Variants in SOX5 observed in about 807,000 individuals in gnomAD.
SOX5 encodes the protein transcription factor SOX-5.
SOX5 carries 9 observed loss-of-function variants against 92.0 expected under a neutral mutation model. The ratio of observed to expected loss-of-function variants is 0.10; its 90% CI spans 0.06 to 0.17. The LOEUF is 0.17. Among genes scored for constraint, SOX5 ranks in the 10% least tolerant of loss-of-function variants. SOX5 has a pLI of 1.00. For synonymous variants in SOX5, 344 were observed against 336.3 expected, an observed-to-expected ratio of 1.02 and a Z score of -0.25; for missense variants, 642 against 944.5, an observed-to-expected ratio of 0.68 and a Z score of 4.20.
At chr12:23,981,282 C>T (rs1949546165) in intron 4 of SOX5, among the ~76,000 whole-genome samples, 1 of 152,086 alleles carries the variant, frequency 6.6e-6, no homozygotes, top group South Asian at 2.1e-4. Context: ...CTCCACAGCC[C>T]TAGTTTACAG....
intron 1 of SOX5, among the ~76,000 whole-genome samples, chr12:24,497,166 T>C (rs1283069749): frequency 6.6e-6 from 1 of 152,226 alleles, no homozygotes. Flanking sequence ...GAATCAATCA[T>C]GAAGGAAAAT....
chr12:23,913,197 T>A (rs1365580402), intron 1 of SOX5, among the ~76,000 whole-genome samples: 3 of 152,198 alleles, frequency 2.0e-5, no homozygotes, highest in Non-Finnish European at 4.4e-5. Context: ...ATATAAAATT[T>A]TTTTATGAAA....
intron 4 of SOX5, among the ~76,000 whole-genome samples, chr12:24,095,128 C>CACACAGAGAG (rs1345578614): frequency 1.6e-4 from 14 of 90,214 alleles, no homozygotes; most frequent in Admixed American, 1.2e-3. Flanking sequence ...CACACACACA[C>CACACAGAGAG]AGAGAGAGAG....
chr12:23,832,840 C>A (rs1021683936), intron 3 of SOX5, among the ~76,000 whole-genome samples: 1 of 151,040 alleles, frequency 6.6e-6, no homozygotes, highest in African/African-American at 2.4e-5. Flanking sequence ...GCATTTCCTG[C>A]AAATGATGCA....
intron 1 of SOX5, among the ~76,000 whole-genome samples, chr12:24,438,802 T>C (rs1038346493): frequency 6.6e-6 from 1 of 152,218 alleles, no homozygotes; most frequent in African/African-American, 2.4e-5. Flanking sequence ...TTCTTATAGA[T>C]GAACAAACAA....
chr12:24,312,494 C>T (rs1272391887), intron 2 of SOX5, among the ~76,000 whole-genome samples: 1 of 152,138 alleles, frequency 6.6e-6, no homozygotes, highest in East Asian at 1.9e-4. Flanking sequence ...TTACTCACTT[C>T]TGTATCACCA....
At chr12:24,499,254 TAAG>T (rs1947946683) in intron 1 of SOX5, among the ~76,000 whole-genome samples, 2 of 152,206 alleles carry the variant, frequency 1.3e-5, no homozygotes, top group African/African-American at 4.8e-5. Context: ...TGCCTGGCGC[TAAG>T]AATATTTCCA....
intron 4 of SOX5, among the ~76,000 whole-genome samples, chr12:24,145,055 T>C (rs539858881): frequency 2.0e-5 from 3 of 151,476 alleles, no homozygotes; most frequent in East Asian, 2.0e-4. Flanking sequence ...ATCACAGCCA[T>C]TGCACTCCAC....
chr12:24,053,844 T>C (rs1199176701), intron 4 of SOX5, among the ~76,000 whole-genome samples: 1 of 152,204 alleles, frequency 6.6e-6, no homozygotes, highest in Non-Finnish European at 1.5e-5. Context: ...TTATGTATCT[T>C]ATCTCCAATC....
At chr12:23,838,339 T>C (rs1011056469) in intron 3 of SOX5, among the ~76,000 whole-genome samples, 1 of 151,482 alleles carries the variant, frequency 6.6e-6, no homozygotes, top group African/African-American at 2.4e-5. Context: ...ATACATAAAT[T>C]ACTCCTTGAT....
At chr12:24,543,832 C>A (rs891244947) in intron 1 of SOX5, among the ~76,000 whole-genome samples, 1 of 152,168 alleles carries the variant, frequency 6.6e-6, no homozygotes, top group African/African-American at 2.4e-5. Flanking sequence ...ATCATTTGTA[C>A]GTATATTTTT....
At chr12:24,217,870 A>C (rs1338807829) in intron 3 of SOX5, among the ~76,000 whole-genome samples, 1 of 152,222 alleles carries the variant, frequency 6.6e-6, no homozygotes, top group Non-Finnish European at 1.5e-5. Flanking sequence ...AGATGTACAA[A>C]GATGATGCTC....
Position 23,595,389 on chromosome 12 carries a change from G to A in SOX5, c.1164+8998C>T, listed in dbSNP as rs577563478. ...TGTAATCCCAGCACTTTGGGAGGCC[G>A]AGGCCGGCGGATCATGAGGTCAGAA... On this transcript the variant is annotated intron_variant, in intron 9 of 14. Transcript: ENST00000451604. Among the ~76,000 whole-genome samples, 222 of 152,148 alleles carry A rather than the reference G, an allele frequency of 1.5e-3. 3 individuals carry two copies. Among genetic ancestry groups the A allele is most frequent in the South Asian group, 7.9e-3 (38 of 4,816 alleles).
At chr12:23,750,851 G>T (rs930200171) in intron 4 of SOX5, among the ~76,000 whole-genome samples, 1 of 151,850 alleles carries the variant, frequency 6.6e-6, no homozygotes, top group Non-Finnish European at 1.5e-5. Flanking sequence ...GAGATACAGT[G>T]ACCTATCCTT....
intron 4 of SOX5, among the ~76,000 whole-genome samples, chr12:23,984,547 T>C (rs1487023489): frequency 6.6e-6 from 1 of 152,202 alleles, no homozygotes; most frequent in East Asian, 1.9e-4. Flanking sequence ...AATAGTGGGT[T>C]GTCTCAGTAT....
At chr12:23,746,447 C>T (rs1431576186) in intron 4 of SOX5, among the ~76,000 whole-genome samples, 2 of 152,098 alleles carry the variant, frequency 1.3e-5, no homozygotes, top group Non-Finnish European at 2.9e-5. Context: ...AGTCAGATAG[C>T]TAATGTCATG....
At chr12:24,384,053 A>T (rs1370606898) in intron 1 of SOX5, among the ~76,000 whole-genome samples, 1 of 152,080 alleles carries the variant, frequency 6.6e-6, no homozygotes, top group Non-Finnish European at 1.5e-5. Context: ...GCCATGTAAG[A>T]TGTGCCTCTT....
chr12:24,002,475 GA>G (rs1951703213), intron 4 of SOX5, among the ~76,000 whole-genome samples: 1 of 151,440 alleles, frequency 6.6e-6, no homozygotes, highest in Admixed American at 6.6e-5. Context: ...TGATGAAAGC[GA>G]AAAATTCTGA....
At chr12:24,280,052 AT>A (rs574300337) in intron 2 of SOX5, among the ~76,000 whole-genome samples, 33 of 152,208 alleles carry the variant, frequency 2.2e-4, no homozygotes, top group Admixed American at 1.2e-3. Context: ...GGGACTGTGA[AT>A]CTAATGGACC....
Sources: gnomAD v4.1 joint callset for allele counts (sites outside exome capture counted in the v4.1 genomes callset) on GRCh38, gnomAD v4.1.1 for gene constraint, MANE v1.5 for transcripts, NCBI Gene and HGNC (gene_info 2026-07-23, HGNC 2026-07-21) for gene names.